The following EXTL3 variants were observed in gnomAD, a reference collection of about 807,000 sequenced individuals.
EXTL3 encodes the protein exostosin like glycosyltransferase 3.
EXTL3 carries 27 observed loss-of-function variants against 69.3 expected under a neutral mutation model. The observed-to-expected ratio is 0.39, with a 90% CI of 0.29 to 0.54. The LOEUF is 0.54. Ranked by LOEUF, EXTL3 falls within the 20% of genes least tolerant of loss-of-function variation. The pLI, the probability that EXTL3 is intolerant of heterozygous loss-of-function variation, is 0.69. For synonymous variants in EXTL3, 511 were observed against 499.4 expected, an observed-to-expected ratio of 1.02 and a Z score of -0.31; for missense variants, 1,003 against 1,231.8, an observed-to-expected ratio of 0.81 and a Z score of 2.78.
chr8:28,648,766 A>T (rs949301432), intron 1 of EXTL3, among the ~76,000 whole-genome samples: 5 of 152,034 alleles, frequency 3.3e-5, no homozygotes, highest in African/African-American at 1.2e-4. Context: ...TTTTTATTAG[A>T]GATAGGGTTT....
At chr8:28,671,834 G>A (rs112801767) in intron 1 of EXTL3, among the ~76,000 whole-genome samples, 3 of 152,244 alleles carry the variant, frequency 2.0e-5, no homozygotes, top group South Asian at 2.1e-4. Flanking sequence ...TTATCGTACG[G>A]TGAATTCAGC....
chr8:28,661,066 A>G (rs1279008905), intron 1 of EXTL3, among the ~76,000 whole-genome samples: 1 of 151,370 alleles, frequency 6.6e-6, no homozygotes, highest in Non-Finnish European at 1.5e-5. Flanking sequence ...GGTGCCTGCC[A>G]CCACGCCAGG....
chr8:28,711,030 A>G (rs1801021681), intron 1 of EXTL3, among the ~76,000 whole-genome samples: 1 of 152,208 alleles, frequency 6.6e-6, no homozygotes, highest in African/African-American at 2.4e-5. Flanking sequence ...GGGATTTTCA[A>G]AAGTATGAAG....
At chr8:28,666,791 T>G (rs1807203862) in intron 1 of EXTL3, among the ~76,000 whole-genome samples, 1 of 152,064 alleles carries the variant, frequency 6.6e-6, no homozygotes, top group South Asian at 2.1e-4. Context: ...GCCAGGCTGG[T>G]CTCGAACTCC....
At chr8:28,742,468 G>T (rs1275284489) in intron 5 of EXTL3, 1 of 163,278 alleles carries the variant, frequency 6.1e-6, no homozygotes, top group Non-Finnish European at 1.3e-5. Flanking sequence ...TGTTCAGTTG[G>T]TTTGAGTGTT....
chr8:28,744,770 G>T lies in EXTL3; in HGVS notation c.2550+1556G>T, dbSNP rs901016925. On this transcript the variant is annotated intron_variant, in intron 6 of 6. Coordinates refer to ENST00000220562, the MANE Select transcript of EXTL3 (RefSeq NM_001440.4). ...ATCGCGCCACTGCACTCCAGCCTGG[G>T]TGACAGAGCGAGACTCCATCTCAAA... Among the ~76,000 whole-genome samples, 29 of 150,366 alleles carry T rather than the reference G, an allele frequency of 1.9e-4. 1 individual carries two copies. Among genetic ancestry groups the T allele is most frequent in the Admixed American group, 7.3e-4 (11 of 14,978 alleles).
chr8:28,731,301 A>G lies in EXTL3; in HGVS notation c.2227A>G (p.Ile743Val), dbSNP rs1405132831. ...AATTGAGACAGAGGCCATCCTGTCC[A>G]TTGATGACGATGCTCACCTCCGCCA... is the stretch of plus-strand genomic sequence containing the variant. ...NEIETEAILS[I>V]DDDAHLRHDE... Residue 743 changes from isoleucine (I) to valine (V), a missense_variant, in exon 4 of 7, where the codon ATT (isoleucine) becomes GTT (valine). Physicochemically the swap from Ile to Val is conservative, Grantham distance 29. This residue lies in a region of EXTL3 where 261 missense variants were observed against 416.4 expected (regional missense o/e 0.63). Transcript: ENST00000220562. 6.8e-6 allele frequency: 11 copies of G among 1,614,202 alleles called. No homozygotes were observed. Among genetic ancestry groups the G allele is most frequent in the South Asian group, 1.1e-5 (1 of 91,084 alleles).
At chr8:28,629,397 C>T (rs541213856) in intron 1 of EXTL3, among the ~76,000 whole-genome samples, 121 of 152,068 alleles carry the variant, frequency 8.0e-4, no homozygotes, top group African/African-American at 2.8e-3. Flanking sequence ...AAAGTGGTGA[C>T]GTTAGAGTGA....
chr8:28,729,958 C>T (rs1240754507), intron 3 of EXTL3, among the ~76,000 whole-genome samples: 7 of 151,990 alleles, frequency 4.6e-5, no homozygotes, highest in Non-Finnish European at 8.8e-5. Context: ...GCTATAGTCT[C>T]CAAAGCCCTT....
At chr8:28,708,033 CTTTT>C (rs959367771) in intron 1 of EXTL3, among the ~76,000 whole-genome samples, 1 of 152,122 alleles carries the variant, frequency 6.6e-6, no homozygotes, top group Non-Finnish European at 1.5e-5. Context: ...TGATGAGTTC[CTTTT>C]GTATTTTGTG....
At chr8:28,625,060 G>A (rs1288274910) in intron 1 of EXTL3, among the ~76,000 whole-genome samples, 1 of 152,122 alleles carries the variant, frequency 6.6e-6, no homozygotes, top group African/African-American at 2.4e-5. Context: ...TTCTAAAGGA[G>A]GTAAACTTTA....
At position 28,630,377 on chromosome 8, in the gene EXTL3, G is replaced by A. The variant is rs549865452; in HGVS notation, c.-53+7567G>A. 5.7e-4 allele frequency among the ~76,000 whole-genome samples: 86 copies of A among 152,110 alleles called. 1 individual carries two copies. The highest frequency in any genetic ancestry group is 2.0e-3 in the African/African-American group (82 of 41,478). ...TTTTCTTTATAAATTACCCAGTCTC[G>A]GGTATGTCTTTATTAGCAGTACTAA... On this transcript the variant is annotated intron_variant, in intron 1 of 6. Coordinates refer to the EXTL3 transcript ENST00000523149.
chr8:28,712,466 T>G (rs1801050034), intron 1 of EXTL3, among the ~76,000 whole-genome samples: 1 of 152,170 alleles, frequency 6.6e-6, no homozygotes, highest in Non-Finnish European at 1.5e-5. Context: ...AAGCATGAAA[T>G]GCTGTGGCAG....
At chr8:28,619,266 T>TAAAAAAAAAAAAAAAAAA (rs755355444), upstream of EXTL3, among the ~76,000 whole-genome samples, 5 of 64,652 alleles carry the variant, frequency 7.7e-5, no homozygotes, top group South Asian at 5.9e-4. Context: ...AGCTTAGTGA[T>TAAAAAAAAAAAAAAAAAA]AAAAAAAAAA....
At position 28,623,220 on chromosome 8, in the gene EXTL3, C is replaced by G. The variant is rs1282382064; in HGVS notation, c.-53+410C>G. 6.6e-6 allele frequency among the ~76,000 whole-genome samples: 1 copy of G among 152,186 alleles called. No individual in the cohort carries two copies. Among genetic ancestry groups the G allele is most frequent in the Non-Finnish European group, 1.5e-5 (1 of 68,030 alleles). Reference sequence around the variant, plus strand: ...GCCTCGGGTACGGGGTAAGCGGCATCTGCCACGCGCCCGCCTCGCGCGCTG... The same window carrying G: ...GCCTCGGGTACGGGGTAAGCGGCATGTGCCACGCGCCCGCCTCGCGCGCTG... On this transcript the variant is annotated intron_variant, in intron 1 of 6. Coordinates refer to the EXTL3 transcript ENST00000523149. This position sits in a 1 kb window ranked among gnomAD's most constrained non-coding sequence, Gnocchi z 4.2.
chr8:28,742,269 C>A (rs1801796126), intron 5 of EXTL3: 1 of 152,076 alleles, frequency 6.6e-6, no homozygotes, highest in Non-Finnish European at 1.5e-5. Flanking sequence ...TATGTAATTA[C>A]ATCTTTAATA....
At chr8:28,636,490 T>C (rs576289964) in intron 1 of EXTL3, among the ~76,000 whole-genome samples, 13 of 152,280 alleles carry the variant, frequency 8.5e-5, no homozygotes, top group African/African-American at 2.9e-4. Flanking sequence ...TGGTATCTGC[T>C]CTCTCCAAGG....
chr8:28,735,726 T>C (rs756098623), intron 4 of EXTL3, among the ~76,000 whole-genome samples: 4 of 152,192 alleles, frequency 2.6e-5, no homozygotes, highest in Non-Finnish European at 5.9e-5. Flanking sequence ...AAGAATTCTT[T>C]CTTCTGGCAA....
In EXTL3 at chr8:28,715,827, G is replaced by A. The variant is rs1776945315; in HGVS notation, c.-233G>A. ...CCTTTTATCGTTTGATAAAGATTAAGGACATGTTCTTTGGTCAACAGCCAG... is the reference window on the plus strand; with the variant it reads ...CCTTTTATCGTTTGATAAAGATTAAAGACATGTTCTTTGGTCAACAGCCAG... On this transcript the variant is annotated 5_prime_UTR_variant, in exon 3 of 7. Transcript: ENST00000220562. The A allele has an allele frequency of 1.8e-6, 1 of 564,092 alleles. No homozygotes were observed. Among genetic ancestry groups the A allele is most frequent in the African/African-American group, 1.9e-5 (1 of 53,438 alleles). 34.9% of individuals were successfully genotyped at this position (564,092 alleles called of 1,614,324 possible).
Sources: gnomAD v4.1 joint callset for allele counts (sites outside exome capture counted in the v4.1 genomes callset) on GRCh38, gnomAD v4.1.1 for gene constraint, gnomAD v4.1.1 regional missense constraint, Gnocchi (gnomAD v3.1) non-coding constraint, MANE v1.5 for transcripts, NCBI Gene and HGNC (gene_info 2026-07-23, HGNC 2026-07-21) for gene names.